Variants in LINGO2 observed in about 807,000 individuals in gnomAD.
LINGO2 encodes leucine-rich repeat and immunoglobulin-like domain-containing nogo receptor-interacting protein 2.
In LINGO2, 14 loss-of-function variants were observed where a neutral mutation model predicts 30.6. The observed-to-expected ratio is 0.46, with a 90% CI of 0.30 to 0.72. The LOEUF (loss-of-function observed/expected upper bound fraction) is 0.72, where lower values mean the gene tolerates loss of function less well. Ranked by LOEUF, LINGO2 falls within the 30% of genes least tolerant of loss-of-function variation. The probability of loss-of-function intolerance (pLI) is 0.07; values close to 1 mark genes in which losing one functional copy is unlikely to be tolerated. For missense variants in LINGO2, 729 were observed against 751.7 expected, an observed-to-expected ratio of 0.97 and a Z score of 0.35; for synonymous variants, 317 against 288.5, an observed-to-expected ratio of 1.10 and a Z score of -1.00.
chr9:28,757,259 A>G, the LINGO2 span, among the ~76,000 whole-genome samples: 1 of 152,054 alleles, frequency 6.6e-6, no homozygotes, highest in African/African-American at 2.4e-5. Context: ...TTTTTATAAT[A>G]CAGCCTTGAT....
chr9:29,204,704 T>A, the LINGO2 span, among the ~76,000 whole-genome samples: 1 of 152,336 alleles, frequency 6.6e-6, no homozygotes, highest in South Asian at 2.1e-4. Flanking sequence ...GTTTATCTAT[T>A]TTCCTATTGG....
intron 4 of LINGO2, among the ~76,000 whole-genome samples, chr9:28,090,418 C>T (rs1253204104): frequency 2.6e-5 from 4 of 151,950 alleles, no homozygotes; most frequent in African/African-American, 7.2e-5. Flanking sequence ...CATACGCAAA[C>T]CAATAAATGT....
the LINGO2 span, among the ~76,000 whole-genome samples, chr9:29,168,262 G>GAA: frequency 2.0e-5 from 3 of 146,790 alleles, no homozygotes; most frequent in African/African-American, 5.0e-5. Flanking sequence ...GCTAATATAA[G>GAA]AAAAAAAAAA....
the LINGO2 span, among the ~76,000 whole-genome samples, chr9:28,936,780 T>C: frequency 6.6e-6 from 1 of 152,210 alleles, no homozygotes; most frequent in South Asian, 2.1e-4. Flanking sequence ...TTTGAACATA[T>C]TGTATTTGTC....
At chr9:28,258,999 GA>G (rs1391374236) in intron 4 of LINGO2, among the ~76,000 whole-genome samples, 3 of 151,492 alleles carry the variant, frequency 2.0e-5, no homozygotes, top group Admixed American at 1.3e-4. Flanking sequence ...TATATTTTGA[GA>G]AGATGCATAT....
intron 5 of LINGO2, among the ~76,000 whole-genome samples, chr9:27,974,159 C>A (rs1206636173): frequency 6.6e-6 from 1 of 152,130 alleles, no homozygotes; most frequent in Non-Finnish European, 1.5e-5. Flanking sequence ...CAGTTGGGAA[C>A]TGTGACAAGA....
intron 4 of LINGO2, among the ~76,000 whole-genome samples, chr9:28,161,465 ATAATT>A (rs1828284306): frequency 6.6e-6 from 1 of 152,220 alleles, no homozygotes; most frequent in South Asian, 2.1e-4. Flanking sequence ...AAATAAGTAT[ATAATT>A]TAAACACAAC....
At chr9:28,797,329 CATATATATATATATAT>C in the LINGO2 span, among the ~76,000 whole-genome samples, 5 of 65,926 alleles carry the variant, frequency 7.6e-5, no homozygotes, top group Admixed American at 2.6e-4. Flanking sequence ...ATCATATATA[CATATATATATATATAT>C]ATATATATAT....
At chr9:29,177,423 G>A in the LINGO2 span, among the ~76,000 whole-genome samples, 3 of 152,026 alleles carry the variant, frequency 2.0e-5, no homozygotes, top group Admixed American at 6.6e-5. Flanking sequence ...AAAATTTTAC[G>A]GTAGTTAATT....
the LINGO2 span, among the ~76,000 whole-genome samples, chr9:28,860,875 T>C: frequency 1.4e-5 from 2 of 146,120 alleles, no homozygotes; most frequent in African/African-American, 2.5e-5. Flanking sequence ...TCTGACAGTC[T>C]TGTGGTCATA....
intron 4 of LINGO2, among the ~76,000 whole-genome samples, chr9:28,054,039 C>T (rs547869524): frequency 7.9e-5 from 12 of 151,118 alleles, no homozygotes; most frequent in African/African-American, 2.2e-4. Context: ...CTACAGAGTA[C>T]GTGGGTTGCA....
rs1037333266 is a variant in LINGO2, at chr9:28,148,465, G to A, written c.-86-136060C>T. On this transcript the variant is annotated intron_variant, in intron 4 of 5. Coordinates refer to ENST00000379992, the Ensembl canonical transcript of LINGO2. The surrounding 1 kb of genome is among the most constrained non-coding windows in gnomAD (Gnocchi z 5.1). ...GGGCAGAAGAGCCCAGAGAAGCAAC[G>A]GAGGTGACAGACCAGGTAGAGACCC... 56 of 1,416,136 alleles carry A rather than the reference G, an allele frequency of 4.0e-5. No individual in the cohort carries two copies. The African/African-American group carries it at 5.2e-4, about 13-fold the overall frequency. 87.7% of individuals were successfully genotyped at this position (1,416,136 alleles called of 1,614,324 possible).
chr9:28,236,385 C>A (rs184832210), intron 4 of LINGO2, among the ~76,000 whole-genome samples: 99 of 152,218 alleles, frequency 6.5e-4, no homozygotes, highest in African/African-American at 2.2e-3. Flanking sequence ...TATCTAAAGG[C>A]ACAAAACTCA....
the LINGO2 span, among the ~76,000 whole-genome samples, chr9:28,717,582 A>G: frequency 8.5e-5 from 13 of 152,072 alleles, no homozygotes; most frequent in African/African-American, 2.9e-4. Context: ...AAATGTACAC[A>G]GAGTCATAAT....
chr9:29,161,294 T>C, the LINGO2 span, among the ~76,000 whole-genome samples: 1 of 152,108 alleles, frequency 6.6e-6, no homozygotes, highest in Non-Finnish European at 1.5e-5. Context: ...TAAAACCATA[T>C]TCACCTGCCC....
chr9:28,966,814 A>G, the LINGO2 span, among the ~76,000 whole-genome samples: 9 of 152,156 alleles, frequency 5.9e-5, no homozygotes, highest in African/African-American at 2.2e-4. Flanking sequence ...AACAGTTAAA[A>G]GCAGCATTAT....
chr9:28,039,553 G>C (rs1231872644), intron 4 of LINGO2, among the ~76,000 whole-genome samples: 1 of 152,112 alleles, frequency 6.6e-6, no homozygotes, highest in East Asian at 1.9e-4. Context: ...CAGTAACAGT[G>C]CTATCTCTTA....
chr9:28,948,628 T>C, the LINGO2 span, among the ~76,000 whole-genome samples: 2 of 152,086 alleles, frequency 1.3e-5, no homozygotes, highest in African/African-American at 4.8e-5. Flanking sequence ...AAATCACATT[T>C]ATTTGCCAGG....
At chr9:28,446,932 T>C (rs1824444994) in intron 2 of LINGO2, among the ~76,000 whole-genome samples, 1 of 152,198 alleles carries the variant, frequency 6.6e-6, no homozygotes, top group African/African-American at 2.4e-5. Flanking sequence ...TCACACTGGA[T>C]GCCTTTTATT....
Sources: allele counts gnomAD v4.1 joint callset (sites outside exome capture counted in the v4.1 genomes callset), GRCh38; gene constraint gnomAD v4.1.1; non-coding constraint Gnocchi (gnomAD v3.1); transcripts MANE v1.5; gene names NCBI Gene and HGNC (gene_info 2026-07-23, HGNC 2026-07-21).